CILK1: variants seen among roughly 807,000 people sequenced by gnomAD.
CILK1 encodes the protein serine/threonine-protein kinase ICK.
Under a neutral mutation model 79.2 loss-of-function variants are expected in CILK1, and 47 were observed. The observed-to-expected ratio is 0.59, with a 90% confidence interval of 0.47 to 0.76. The LOEUF is 0.76. Ranked by LOEUF, CILK1 falls within the 30% of genes least tolerant of loss-of-function variation. The pLI, the probability that CILK1 is intolerant of heterozygous loss-of-function variation, is 0.00. For synonymous variants in CILK1, 266 were observed against 275.9 expected, an observed-to-expected ratio of 0.96 and a Z score of 0.36; for missense variants, 660 against 769.5, an observed-to-expected ratio of 0.86 and a Z score of 1.68.
In CILK1 at chr6:53,004,534, A is replaced by T. The variant is rs1764109734; in HGVS notation, c.*615T>A. On this transcript the variant is annotated 3_prime_UTR_variant, in exon 14 of 14. Transcript: ENST00000676107. ...GGGGAACAAAAGTAAAACAAAGTGA[A>T]TTATATAATATAATAGTCCTTTTAG... 6.6e-6 allele frequency: 1 copy of T among 152,492 alleles called. No homozygotes were observed. The highest frequency in any genetic ancestry group is 1.5e-5 in the Non-Finnish European group (1 of 68,056). The allele number at this position is 152,492 out of a possible 1,614,324, so 9.4% of individuals were successfully genotyped here.
chr6:53,060,066 T>C (rs1768297627), intron 1 of CILK1, among the ~76,000 whole-genome samples: 1 of 152,212 alleles, frequency 6.6e-6, no homozygotes, highest in South Asian at 2.1e-4. Flanking sequence ...TGGTTAAAGA[T>C]AATTCCAATG....
chr6:53,032,593 T>A lies in CILK1; in HGVS notation c.218A>T (p.Asp73Val). 6.2e-7 allele frequency: 1 copy of A among 1,606,702 alleles called. No individual in the cohort carries two copies. Among genetic ancestry groups the A allele is most frequent in the Non-Finnish European group, 8.5e-7 (1 of 1,174,380 alleles). ...VKLKEVIRENDHLYFIFEYMK... is the reference protein window; with the variant it reads ...VKLKEVIRENVHLYFIFEYMK... Reference sequence around the variant, plus strand: ...GTACTCGAAGATAAAATAAAGATGATCATTTTCCCTGATAACTTCTTTTAA... The same window carrying A: ...GTACTCGAAGATAAAATAAAGATGAACATTTTCCCTGATAACTTCTTTTAA... The change falls in exon 4 of 14, where the codon GAT (aspartate) becomes GTT (valine). Residue 73 changes from aspartate to valine, a missense_variant. Asp to Val is a radical substitution (Grantham distance 152, BLOSUM62 -3). Coordinates refer to ENST00000676107, the MANE Select transcript of CILK1 (RefSeq NM_014920.5).
intron 1 of CILK1, among the ~76,000 whole-genome samples, chr6:53,059,897 A>G (rs1017526021): frequency 2.6e-5 from 4 of 152,258 alleles, no homozygotes; most frequent in African/African-American, 9.6e-5. Flanking sequence ...CCATTTAATG[A>G]GAGCTTACTA....
chr6:53,061,046 T>C (rs1465527377), intron 1 of CILK1: 1 of 152,260 alleles, frequency 6.6e-6, no homozygotes, highest in African/African-American at 2.4e-5. Context: ...AATACTCTTC[T>C]CTGCAGAATG....
intron 2 of CILK1, among the ~76,000 whole-genome samples, chr6:53,039,776 CT>C (rs1429927720): frequency 1.3e-5 from 2 of 152,144 alleles, no homozygotes; most frequent in Non-Finnish European, 2.9e-5. Flanking sequence ...AAAATAATCC[CT>C]TTGGTCTGAT....
chr6:53,019,308 T>C lies in CILK1; in HGVS notation c.410A>G (p.Glu137Gly). Residue 137 changes from glutamate to glycine, a missense_variant, in exon 6 of 14, where the codon GAA (glutamate) becomes GGA (glycine). Transcript: ENST00000676107. Reference sequence around the variant, plus strand: ...ACCAAAGTCTGCAATTTTCACAAGTTCTGGTCCCATGCAGAGGAGGTTCTC... The same window carrying C: ...ACCAAAGTCTGCAATTTTCACAAGTCCTGGTCCCATGCAGAGGAGGTTCTC... Reference protein sequence around the residue: ...KPENLLCMGPELVKIADFGLA... With the variant: ...KPENLLCMGPGLVKIADFGLA... 3.7e-6 allele frequency: 6 copies of C among 1,614,100 alleles called. No individual in the cohort carries two copies. Among genetic ancestry groups the C allele is most frequent in the Non-Finnish European group, 5.1e-6 (6 of 1,179,952 alleles).
In CILK1 at chr6:53,038,007, A is replaced by C. The variant is rs1436620148; in HGVS notation, c.102-14T>G. 1 of 1,577,064 alleles carries C rather than the reference A, an allele frequency of 6.3e-7. No individual in the cohort carries two copies. The highest frequency in any genetic ancestry group is 8.7e-7 in the Non-Finnish European group (1 of 1,146,492). ...TTTCTTTTCATTCTAGAAGAGAAGA[A>C]AGAAACAAACAGCACACTTATTCTC... On this transcript the variant is annotated splice_polypyrimidine_tract_variant and intron_variant, in intron 2 of 13. Coordinates refer to ENST00000676107, the MANE Select transcript of CILK1 (RefSeq NM_014920.5).
chr6:53,019,393 G>T (rs758420707), intron 5 of CILK1, 34 bp from the exon 6 acceptor site: 1 of 1,612,554 alleles, frequency 6.2e-7, no homozygotes. Context: ...AAATCCAAAT[G>T]CAAGTTTGCT....
intron 12 of CILK1, 34 bp from the exon 13 acceptor site, chr6:53,006,471 A>G: frequency 6.2e-7 from 1 of 1,609,816 alleles, no homozygotes; most frequent in African/African-American, 1.3e-5. Context: ...CATTATTACA[A>G]AGACATGTAC....
chr6:53,050,271 T>C (rs772581103), intron 1 of CILK1, among the ~76,000 whole-genome samples: 7 of 151,924 alleles, frequency 4.6e-5, no homozygotes, highest in Non-Finnish European at 1.0e-4. Context: ...AGAGACCACA[T>C]ACTGGCAGCA....
Position 53,004,594 on chromosome 6 carries a change from A to C in CILK1, c.*555T>G, listed in dbSNP as rs561460031. 1 of 153,824 alleles carries C rather than the reference A, an allele frequency of 6.5e-6. No homozygotes were observed. The highest frequency in any genetic ancestry group is 6.5e-5 in the Admixed American group (1 of 15,480). The allele number at this position is 153,824 out of a possible 1,614,324, so 9.5% of individuals were successfully genotyped here. A position where few individuals can be genotyped will look rare whatever the true frequency, so the allele number is the denominator to read the frequency against. On this transcript the variant is annotated 3_prime_UTR_variant, in exon 14 of 14. Coordinates refer to ENST00000676107, the MANE Select transcript of CILK1 (RefSeq NM_014920.5). Reference sequence around the variant, plus strand: ...GTGGTATCCAAAAATCAAACCAATGACCTACTAAGAAAAGCAGAGGATCAC... The same window carrying C: ...GTGGTATCCAAAAATCAAACCAATGCCCTACTAAGAAAAGCAGAGGATCAC...
intron 1 of CILK1, among the ~76,000 whole-genome samples, chr6:53,051,232 A>G (rs532734082): frequency 3.5e-4 from 54 of 152,376 alleles, no homozygotes; most frequent in African/African-American, 1.3e-3. Flanking sequence ...CATGTCACTT[A>G]TCCATATTTT....
intron 5 of CILK1, among the ~76,000 whole-genome samples, chr6:53,021,849 G>C (rs1765264844): frequency 6.6e-6 from 1 of 151,756 alleles, no homozygotes; most frequent in Non-Finnish European, 1.5e-5. Flanking sequence ...TCCTTCAGGA[G>C]GTACCTAGAA....
intron 5 of CILK1, among the ~76,000 whole-genome samples, chr6:53,029,052 C>A (rs951831591): frequency 2.6e-5 from 4 of 151,880 alleles, no homozygotes; most frequent in African/African-American, 9.7e-5. Flanking sequence ...AGAATAGCAA[C>A]AAAAATGAGA....
intron 1 of CILK1, chr6:53,051,992 T>C (rs1435238689): frequency 6.6e-6 from 1 of 152,236 alleles, no homozygotes; most frequent in Non-Finnish European, 1.5e-5. Context: ...TACATAGGTA[T>C]ACGTATGCCA....
rs570773628 is a variant in CILK1, at chr6:53,037,456, C to T, written c.156+483G>A. 2.6e-5 allele frequency among the ~76,000 whole-genome samples: 4 copies of T among 152,274 alleles called. No homozygotes were observed. The East Asian group carries it at 7.7e-4, about 29-fold the overall frequency. ...GGTGCCTCCTTTCTACCCGCTTCTG[C>T]CTTCCCTCCCCTCTGTGTTCAGGGT... is the stretch of plus-strand genomic sequence containing the variant. On this transcript the variant is annotated intron_variant, in intron 3 of 13. Coordinates refer to ENST00000676107, the MANE Select transcript of CILK1 (RefSeq NM_014920.5).
intron 1 of CILK1, among the ~76,000 whole-genome samples, chr6:53,058,921 A>G (rs769549914): frequency 6.6e-5 from 10 of 152,040 alleles, no homozygotes; most frequent in Non-Finnish European, 1.3e-4. Flanking sequence ...GAGGAGCAGT[A>G]TAAAAAAAAA....
chr6:53,013,251 T>C (rs1764684095), intron 9 of CILK1, among the ~76,000 whole-genome samples: 1 of 152,208 alleles, frequency 6.6e-6, no homozygotes, highest in South Asian at 2.1e-4. Flanking sequence ...TCTTTTCAAG[T>C]ATTAACTCAT....
intron 2 of CILK1, among the ~76,000 whole-genome samples, chr6:53,038,721 A>G (rs1049647843): frequency 6.6e-6 from 1 of 152,242 alleles, no homozygotes. Flanking sequence ...ATTCATTTAT[A>G]TACTGCCTGT....
Sources: gnomAD v4.1 joint callset for allele counts (sites outside exome capture counted in the v4.1 genomes callset) on GRCh38, gnomAD v4.1.1 for gene constraint, MANE v1.5 for transcripts, NCBI Gene and HGNC (gene_info 2026-07-23, HGNC 2026-07-21) for gene names.